The following TENM4 variants were observed in gnomAD, a reference collection of about 807,000 sequenced individuals.
TENM4 encodes teneurin-4.
TENM4 carries 82 observed loss-of-function variants against 243.3 expected under a neutral mutation model. The ratio of observed to expected loss-of-function variants is 0.34; its 90% confidence interval spans 0.28 to 0.40. The LOEUF (loss-of-function observed/expected upper bound fraction) is 0.40, where lower values mean the gene tolerates loss of function less well. Among genes scored for constraint, TENM4 ranks in the 10% least tolerant of loss-of-function variants. TENM4 has a pLI of 1.00. For missense variants in TENM4, 3,138 were observed against 3,673.3 expected, an observed-to-expected ratio of 0.85 and a Z score of 3.77; for synonymous variants, 1,412 against 1,456.3, an observed-to-expected ratio of 0.97 and a Z score of 0.69.
Position 78,655,497 on chromosome 11 carries a change from T to G in TENM4, c.*2561A>C, listed in dbSNP as rs1326388297. On this transcript the variant is annotated 3_prime_UTR_variant, in exon 34 of 34. Coordinates refer to ENST00000278550, the MANE Select transcript of TENM4 (RefSeq NM_001098816.3). The stretch of plus-strand genomic sequence containing the variant: ...TTTGAGAACAGCCTGGGCAACATAG[T>G]GAGACCCCATCTCTATGAAAAAAAA... The G allele has an allele frequency of 6.6e-6, 1 of 150,926 alleles. No individual in the cohort carries two copies. The highest frequency in any genetic ancestry group is 2.1e-4 in the South Asian group (1 of 4,742). 9.3% of individuals were successfully genotyped at this position (150,926 alleles called of 1,614,324 possible). A position where few individuals can be genotyped will look rare whatever the true frequency, so the allele number is the denominator to read the frequency against.
intron 12 of TENM4, among the ~76,000 whole-genome samples, chr11:78,844,250 A>G (rs1000524201): frequency 3.3e-5 from 5 of 152,164 alleles, no homozygotes; most frequent in African/African-American, 7.2e-5. Context: ...CTAACCCCCA[A>G]TGTGACTGTA....
intron 4 of TENM4, among the ~76,000 whole-genome samples, chr11:79,146,980 C>G (rs1204449630): frequency 6.6e-6 from 1 of 152,112 alleles, no homozygotes; most frequent in Non-Finnish European, 1.5e-5. Flanking sequence ...TATGCACAAA[C>G]ACACACGTGT....
intron 1 of TENM4, among the ~76,000 whole-genome samples, chr11:79,409,109 C>T (rs1375783679): frequency 8.6e-5 from 12 of 139,866 alleles, no homozygotes; most frequent in African/African-American, 2.3e-4. Flanking sequence ...TGTGCGCGCG[C>T]GCGCGTGCGT....
intron 1 of TENM4, among the ~76,000 whole-genome samples, chr11:79,376,411 C>T (rs1386688896): frequency 2.6e-5 from 4 of 152,228 alleles, no homozygotes; most frequent in Admixed American, 1.3e-4. Context: ...TAATGCTGCT[C>T]TGCTAAAGTG....
chr11:79,427,915 C>T (rs1590959564), intron 1 of TENM4, among the ~76,000 whole-genome samples: 1 of 152,174 alleles, frequency 6.6e-6, no homozygotes, highest in South Asian at 2.1e-4. Flanking sequence ...GTCTACTTCA[C>T]ACTACAATTG....
At chr11:79,225,225 C>T (rs1864240117) in intron 2 of TENM4, among the ~76,000 whole-genome samples, 1 of 152,172 alleles carries the variant, frequency 6.6e-6, no homozygotes, top group African/African-American at 2.4e-5. Flanking sequence ...AGGAAATCCA[C>T]AGAGTGAGGA....
At chr11:78,854,715 G>C (rs939604682) in intron 11 of TENM4, among the ~76,000 whole-genome samples, 1 of 152,146 alleles carries the variant, frequency 6.6e-6, no homozygotes, top group Non-Finnish European at 1.5e-5. Flanking sequence ...AGAATCTTGG[G>C]GGGTGGTGGA....
intron 7 of TENM4, among the ~76,000 whole-genome samples, chr11:78,901,189 C>T (rs1855921665): frequency 6.6e-6 from 1 of 151,936 alleles, no homozygotes; most frequent in African/African-American, 2.4e-5. Flanking sequence ...ATATATATCA[C>T]AAATAATGTT....
At chr11:78,731,493 C>T (rs756573611) in intron 21 of TENM4, among the ~76,000 whole-genome samples, 9 of 152,220 alleles carry the variant, frequency 5.9e-5, no homozygotes, top group Admixed American at 2.6e-4. Flanking sequence ...CACCAGCGCC[C>T]GCAATCCATT....
chr11:78,710,095 G>C (rs1208596339), intron 26 of TENM4, among the ~76,000 whole-genome samples: 2 of 152,176 alleles, frequency 1.3e-5, no homozygotes, highest in East Asian at 3.8e-4. Flanking sequence ...GTTTTCTCTG[G>C]GGAAGGCAGT....
At chr11:78,974,718 CTTTTCTTTTT>C (rs1857612512) in intron 6 of TENM4, among the ~76,000 whole-genome samples, 2 of 140,914 alleles carry the variant, frequency 1.4e-5, no homozygotes, top group Admixed American at 7.2e-5. Context: ...TTTTTCTTTT[CTTTTCTTTTT>C]TTTTTTTTTT....
intron 6 of TENM4, among the ~76,000 whole-genome samples, chr11:79,060,296 A>T (rs1860054322): frequency 6.6e-6 from 1 of 152,202 alleles, no homozygotes; most frequent in African/African-American, 2.4e-5. Flanking sequence ...TACATTACCC[A>T]GTCAATTCTG....
chr11:78,958,500 A>G (rs1043346661), intron 6 of TENM4, among the ~76,000 whole-genome samples: 3 of 152,236 alleles, frequency 2.0e-5, no homozygotes, highest in Non-Finnish European at 4.4e-5. Flanking sequence ...GGGAAGGATT[A>G]GGATTTTGAT....
intron 9 of TENM4, among the ~76,000 whole-genome samples, chr11:78,877,796 C>A (rs191792395): frequency 2.1e-4 from 32 of 152,352 alleles, no homozygotes; most frequent in African/African-American, 6.7e-4. Flanking sequence ...AAATTCAACA[C>A]ATCTTGTTTG....
chr11:78,902,015 T>C (rs1473034159), intron 7 of TENM4, among the ~76,000 whole-genome samples: 1 of 152,210 alleles, frequency 6.6e-6, no homozygotes, highest in Non-Finnish European at 1.5e-5. Flanking sequence ...ACTTTTCACA[T>C]GCAGGTTAAT....
At chr11:79,435,041 TG>T (rs1859243968) in intron 1 of TENM4, among the ~76,000 whole-genome samples, 1 of 152,230 alleles carries the variant, frequency 6.6e-6, no homozygotes, top group Non-Finnish European at 1.5e-5. Context: ...TGAAAAGTTT[TG>T]CATGCTTTAT....
intron 7 of TENM4, among the ~76,000 whole-genome samples, chr11:78,900,170 C>A (rs1981404): frequency 0.51 from 77,332 of 152,182 alleles, 23,857 homozygotes; most frequent in East Asian, 0.78. Flanking sequence ...GTGTAATCAA[C>A]TGGATGTTTC....
intron 4 of TENM4, among the ~76,000 whole-genome samples, chr11:79,071,805 A>T (rs1342794075): frequency 6.6e-6 from 1 of 152,160 alleles, no homozygotes; most frequent in Admixed American, 6.5e-5. Flanking sequence ...ACAGTGACCC[A>T]GGGCCATATA....
At chr11:79,393,821 G>A (rs1242068432) in intron 1 of TENM4, among the ~76,000 whole-genome samples, 2 of 152,214 alleles carry the variant, frequency 1.3e-5, no homozygotes, top group African/African-American at 2.4e-5. Flanking sequence ...GTCAGCAGGA[G>A]TCTGGACTTT....
Sources: allele counts gnomAD v4.1 joint callset (sites outside exome capture counted in the v4.1 genomes callset), GRCh38; gene constraint gnomAD v4.1.1; transcripts MANE v1.5; gene names NCBI Gene and HGNC (gene_info 2026-07-23, HGNC 2026-07-21).